The following VWA3A variants were observed in gnomAD, a reference collection of about 807,000 sequenced individuals.
VWA3A encodes von Willebrand factor A domain-containing protein 3A.
In VWA3A, 134 loss-of-function variants were observed where a neutral mutation model predicts 160.4. The ratio of observed to expected loss-of-function variants is 0.84; its 90% CI spans 0.73 to 0.96. The LOEUF is 0.96. VWA3A is among the 40% of genes least tolerant of loss of function. The probability of loss-of-function intolerance (pLI) is 0.00; values close to 1 mark genes in which losing one functional copy is unlikely to be tolerated. For synonymous variants in VWA3A, 476 were observed against 543.4 expected, an observed-to-expected ratio of 0.88 and a Z score of 1.72; for missense variants, 1,310 against 1,447.9, an observed-to-expected ratio of 0.90 and a Z score of 1.55.
At chr16:22,133,898 A>G (rs1410505297) in intron 20 of VWA3A, among the ~76,000 whole-genome samples, 1 of 152,142 alleles carries the variant, frequency 6.6e-6, no homozygotes, top group Non-Finnish European at 1.5e-5. Flanking sequence ...AACATCCCTT[A>G]GATTGTTTTT....
intron 11 of VWA3A, among the ~76,000 whole-genome samples, chr16:22,118,206 A>G (rs1309685734): frequency 6.6e-6 from 1 of 152,206 alleles, no homozygotes; most frequent in Non-Finnish European, 1.5e-5. Context: ...ACTTGAGCTC[A>G]GGAGTTTGAG....
At position 22,126,191 on chromosome 16, in the gene VWA3A, C is replaced by G; in HGVS notation, c.1546C>G (p.Leu516Val). 1 of 1,613,920 alleles carries G rather than the reference C, an allele frequency of 6.2e-7. No individual in the cohort carries two copies. Among genetic ancestry groups the G allele is most frequent in the Non-Finnish European group, 8.5e-7 (1 of 1,179,850 alleles). Residue 516 changes from leucine (L) to valine (V), a missense_variant, in exon 17 of 34, where the codon CTC becomes GTC. Leu to Val is a conservative substitution (Grantham distance 32). Coordinates refer to ENST00000389398, the MANE Select transcript of VWA3A (RefSeq NM_173615.5). ...GTTTCCTTTTAGGGTGGTTGTACTG[C>G]TCGATATCTCTGCGACCAATTCCAT... ...TVCEKRVVVL[L>V]DISATNSMYI...
chr16:22,122,868 G>C (rs377315665), intron 14 of VWA3A, among the ~76,000 whole-genome samples: 8 of 152,064 alleles, frequency 5.3e-5, no homozygotes, highest in African/African-American at 1.4e-4. Flanking sequence ...TCTCTCTAAG[G>C]CTCTCTACTT....
Position 22,111,028 on chromosome 16 carries a change from C to T in VWA3A, c.689+34C>T, listed in dbSNP as rs772899944. On this transcript the variant is annotated intron_variant, in intron 8 of 33. Coordinates refer to ENST00000389398, the MANE Select transcript of VWA3A (RefSeq NM_173615.5). ...CTTTCCTACCTGACGGTGATGTTCA[C>T]TTGTTCATTTTCCTCCCTAACCAGC... The T allele has an allele frequency of 2.3e-5, 36 of 1,544,778 alleles. No individual in the cohort carries two copies. In the South Asian group the frequency reaches 3.0e-4, roughly 13 times the overall value.
intron 8 of VWA3A, among the ~76,000 whole-genome samples, chr16:22,114,078 A>C (rs1029594059): frequency 1.2e-4 from 19 of 152,244 alleles, no homozygotes; most frequent in African/African-American, 3.9e-4. Context: ...AGAGCAAAAC[A>C]GTGGTTTTAA....
intron 21 of VWA3A, among the ~76,000 whole-genome samples, chr16:22,136,432 C>G: frequency 6.6e-6 from 1 of 152,012 alleles, no homozygotes; most frequent in South Asian, 2.1e-4. Flanking sequence ...TGAGGGTACC[C>G]TACAGGCAGG....
At chr16:22,144,497 C>A in intron 26 of VWA3A, 113 bp downstream of exon 26, 1 of 1,435,806 alleles carries the variant, frequency 7.0e-7, no homozygotes, top group Non-Finnish European at 9.3e-7. Flanking sequence ...AACTGCCCTC[C>A]TCCCCAAAGT....
At chr16:22,127,252 A>G (rs906601515) in intron 17 of VWA3A, among the ~76,000 whole-genome samples, 4 of 151,720 alleles carry the variant, frequency 2.6e-5, no homozygotes, top group African/African-American at 9.7e-5. Flanking sequence ...TCAGCCTCCC[A>G]AGTAGCTGGG....
chr16:22,142,846 G>C (rs1240832394), intron 25 of VWA3A, 81 bp downstream of exon 25: 1 of 1,097,242 alleles, frequency 9.1e-7, no homozygotes, highest in Non-Finnish European at 1.3e-6. Context: ...TAGGATGGGG[G>C]GGCATAATCA....
chr16:22,110,850 C>A, intron 7 of VWA3A, 38 bp from the exon 8 acceptor site: 1 of 1,561,604 alleles, frequency 6.4e-7, no homozygotes, highest in East Asian at 2.4e-5. Flanking sequence ...CCCGATTCCC[C>A]TGGCTGTGGG....
At chr16:22,097,541 G>T (rs1296686348) in intron 2 of VWA3A, 31 bp from the exon 3 acceptor site, 1 of 1,549,606 alleles carries the variant, frequency 6.5e-7, no homozygotes, top group Non-Finnish European at 8.7e-7. Flanking sequence ...CCAGTGCTGG[G>T]GCATTGATCA....
chr16:22,150,417 A>G (rs757142603), intron 29 of VWA3A, among the ~76,000 whole-genome samples: 1 of 151,958 alleles, frequency 6.6e-6, no homozygotes, highest in Non-Finnish European at 1.5e-5. Context: ...AATAAAAATT[A>G]AAAAAAATAG....
intron 5 of VWA3A, among the ~76,000 whole-genome samples, chr16:22,102,224 A>C (rs2045417872): frequency 6.6e-6 from 1 of 152,060 alleles, no homozygotes; most frequent in Non-Finnish European, 1.5e-5. Context: ...GGTGGTGTGC[A>C]TCTATAGTTC....
rs1174485711 is a variant in VWA3A at position 22,124,058 on chromosome 16, C to T, written c.1532+351C>T. Among the ~76,000 whole-genome samples the T allele has an allele frequency of 5.3e-5, 8 of 151,822 alleles. No individual in the cohort carries two copies. In the East Asian group the frequency reaches 1.5e-3, roughly 29 times the overall value. On this transcript the variant is annotated intron_variant, in intron 16 of 33. Coordinates refer to ENST00000389398, the MANE Select transcript of VWA3A (RefSeq NM_173615.5). ...GGCATGGTGGTGTACACCTGTAGTC[C>T]CAGCCACTTAGGAGGCTGAGGCAGG...
chr16:22,151,004 G>A (rs2046339391), intron 30 of VWA3A, among the ~76,000 whole-genome samples, 158 bp downstream of exon 30: 1 of 152,204 alleles, frequency 6.6e-6, no homozygotes. Flanking sequence ...AAGCGGCCGG[G>A]CATGCTGGCT....
intron 8 of VWA3A, among the ~76,000 whole-genome samples, chr16:22,114,780 A>G (rs1262189227): frequency 6.6e-6 from 1 of 150,680 alleles, no homozygotes; most frequent in Non-Finnish European, 1.5e-5. Flanking sequence ...TGGGCAACAC[A>G]GTGAGACCCC....
intron 6 of VWA3A, among the ~76,000 whole-genome samples, chr16:22,108,397 T>C (rs1477820335): frequency 2.6e-5 from 4 of 152,174 alleles, no homozygotes; most frequent in Admixed American, 6.5e-5. Flanking sequence ...GCCTAGACCA[T>C]TGCTGGTTGG....
Position 22,092,609 on chromosome 16 carries a change from G to C in VWA3A, c.-29G>C, listed in dbSNP as rs937746551. 1 of 1,550,236 alleles carries C rather than the reference G, an allele frequency of 6.5e-7. No homozygotes were observed. Among genetic ancestry groups the C allele is most frequent in the East Asian group, 2.4e-5 (1 of 40,856 alleles). ...GAGAAGTAAGGCCCTGGAGTGCCAG[G>C]AGCCCTTCTCCCAAAGATGGAGAAA... On this transcript the variant is annotated 5_prime_UTR_variant, in exon 1 of 34. Coordinates refer to ENST00000389398, the MANE Select transcript of VWA3A (RefSeq NM_173615.5).
At chr16:22,120,819 G>GATGAT (rs1444958883) in intron 12 of VWA3A, 149 bp from the exon 13 acceptor site, 2 of 905,480 alleles carry the variant, frequency 2.2e-6, no homozygotes, top group African/African-American at 3.4e-5. Flanking sequence ...AAGGGGAGGG[G>GATGAT]ATGATGGAAG....
Sources: allele counts gnomAD v4.1 joint callset (sites outside exome capture counted in the v4.1 genomes callset), GRCh38; gene constraint gnomAD v4.1.1; transcripts MANE v1.5; gene names NCBI Gene and HGNC (gene_info 2026-07-23, HGNC 2026-07-21).